The following GRIP1 variants were observed in gnomAD, a reference collection of about 807,000 sequenced individuals.
The protein encoded by GRIP1 is glutamate receptor interacting protein 1, also known as glutamate receptor-interacting protein 1.
GRIP1 carries 45 observed loss-of-function variants against 129.9 expected under a neutral mutation model. The ratio of observed to expected loss-of-function variants is 0.35; its 90% CI spans 0.27 to 0.44. The LOEUF (loss-of-function observed/expected upper bound fraction) is 0.44. GRIP1 is among the 20% of genes least tolerant of loss of function. The pLI, the probability that GRIP1 is intolerant of heterozygous loss-of-function variation, is 1.00. For synonymous variants in GRIP1, 530 were observed against 520.8 expected (o/e 1.02, Z -0.24); for missense variants, 1,196 against 1,396.8 (o/e 0.86, Z 2.29).
intron 1 of GRIP1, among the ~76,000 whole-genome samples, chr12:66,855,903 T>C (rs558899924): frequency 1.4e-4 from 21 of 152,094 alleles, no homozygotes; most frequent in Admixed American, 5.9e-4. Context: ...CTCTCTGACA[T>C]ATAAAAGTTT....
chr12:66,672,357 G>C (rs1035931564), intron 1 of GRIP1, among the ~76,000 whole-genome samples: 1 of 152,068 alleles, frequency 6.6e-6, no homozygotes. Flanking sequence ...CTGAATTTAG[G>C]TGGTCATCAT....
At chr12:67,006,282 A>C (rs992577243) in intron 1 of GRIP1, among the ~76,000 whole-genome samples, 5 of 152,298 alleles carry the variant, frequency 3.3e-5, no homozygotes, top group African/African-American at 1.2e-4. Context: ...CAAAAAAGCC[A>C]GGCGAGGCAT....
At position 66,848,534 on chromosome 12, in the gene GRIP1, G is replaced by A. The variant is rs991900542; in HGVS notation, c.58+220516C>T. Among the ~76,000 whole-genome samples, 4 of 152,082 alleles carry A rather than the reference G, an allele frequency of 2.6e-5. No homozygotes were observed. The South Asian group carries it at 8.3e-4, about 31-fold the overall frequency. On this transcript the variant is annotated intron_variant, in intron 1 of 1. Transcript: ENST00000643019. ...GGGTACTCTGAAAATACATAGGAGG[G>A]TAAAATAACCTGAATTCATGGGTCA...
At chr12:66,622,519 AC>A (rs1232747150) in intron 1 of GRIP1, among the ~76,000 whole-genome samples, 1 of 152,166 alleles carries the variant, frequency 6.6e-6, no homozygotes, top group Non-Finnish European at 1.5e-5. Context: ...CTGTATTAAA[AC>A]ATCTCATATA....
chr12:66,888,483 C>T (rs141473501), intron 1 of GRIP1, among the ~76,000 whole-genome samples: 2,540 of 152,316 alleles, frequency 0.017, 69 homozygotes, highest in African/African-American at 0.058. Context: ...CCTCAGGCTC[C>T]CAAGTAGCTG....
chr12:66,731,551 TA>T (rs1565993054), intron 1 of GRIP1, among the ~76,000 whole-genome samples: 1 of 152,154 alleles, frequency 6.6e-6, no homozygotes, highest in Non-Finnish European at 1.5e-5. Flanking sequence ...AAACTATAAA[TA>T]AACATGGTGG....
At chr12:66,442,577 G>A (rs1489760177) in intron 13 of GRIP1, among the ~76,000 whole-genome samples, 4 of 152,074 alleles carry the variant, frequency 2.6e-5, no homozygotes, top group Non-Finnish European at 5.9e-5. Flanking sequence ...TGTCACCCAG[G>A]CTGGGGTTCA....
intron 15 of GRIP1, among the ~76,000 whole-genome samples, chr12:66,414,897 A>T (rs770512509): frequency 4.1e-5 from 6 of 146,786 alleles, no homozygotes; most frequent in Non-Finnish European, 7.4e-5. Context: ...AATCGTATGC[A>T]GAAAATTAAA....
chr12:66,678,240 A>T lies in GRIP1; in HGVS notation c.55+610T>A, dbSNP rs1266194770. 3.3e-5 allele frequency among the ~76,000 whole-genome samples: 5 copies of T among 152,278 alleles called. No homozygotes were observed. The South Asian group carries it at 8.3e-4, about 25-fold the overall frequency. The stretch of plus-strand genomic sequence containing the variant: ...CTAAGAGTGACAATCTGAAGCTGGT[A>T]ATTCTTGATGATAAGATTCCGAGCA... On this transcript the variant is annotated intron_variant, in intron 1 of 24. Coordinates refer to ENST00000359742, the MANE Select transcript of GRIP1 (RefSeq NM_001366722.1).
intron 1 of GRIP1, among the ~76,000 whole-genome samples, chr12:66,939,023 A>G (rs2041539164): frequency 6.6e-6 from 1 of 151,864 alleles, no homozygotes; most frequent in South Asian, 2.1e-4. Flanking sequence ...TGGAGGAAAA[A>G]GGGGGTATAG....
chr12:66,674,846 G>A (rs1531647), intron 1 of GRIP1, among the ~76,000 whole-genome samples: 62,780 of 151,616 alleles, frequency 0.41, 13,170 homozygotes, highest in Non-Finnish European at 0.46. Context: ...AGCAGAAAAG[G>A]AGAAAAGATA....
intron 11 of GRIP1, among the ~76,000 whole-genome samples, chr12:66,451,126 T>C (rs1440156055): frequency 1.3e-5 from 2 of 152,182 alleles, no homozygotes; most frequent in Non-Finnish European, 2.9e-5. Flanking sequence ...GATTCGTTCC[T>C]GCTCTGTCCT....
chr12:66,584,331 G>A (rs1446018425), intron 2 of GRIP1, among the ~76,000 whole-genome samples: 6 of 151,532 alleles, frequency 4.0e-5, no homozygotes, highest in East Asian at 3.9e-4. Flanking sequence ...TGGGTGCAGC[G>A]CACCAGCATG....
At chr12:66,784,216 GGAT>G (rs1184457789) in intron 1 of GRIP1, among the ~76,000 whole-genome samples, 6 of 151,998 alleles carry the variant, frequency 3.9e-5, no homozygotes, top group African/African-American at 1.5e-4. Flanking sequence ...TATACCCCAA[GGAT>G]GATAAATACG....
At chr12:66,590,507 A>C (rs1475788041) in intron 2 of GRIP1, among the ~76,000 whole-genome samples, 3 of 152,172 alleles carry the variant, frequency 2.0e-5, no homozygotes, top group African/African-American at 7.2e-5. Flanking sequence ...GAGATAATTA[A>C]TGCGTACCTG....
intron 1 of GRIP1, among the ~76,000 whole-genome samples, chr12:67,068,507 C>G (rs2043670516): frequency 6.6e-6 from 1 of 151,586 alleles, no homozygotes; most frequent in African/African-American, 2.4e-5. Flanking sequence ...CGGCAGCGCC[C>G]CCTTGCCTCC....
At chr12:66,602,461 A>G (rs1462072676) in intron 1 of GRIP1, among the ~76,000 whole-genome samples, 1 of 152,186 alleles carries the variant, frequency 6.6e-6, no homozygotes, top group East Asian at 1.9e-4. Context: ...TTCTAGGGCC[A>G]AGCAAAAAGT....
rs7970076 is a variant in GRIP1 at position 66,392,293 on chromosome 12, A to G, written c.2464+15T>C. ...AACAATGACAAGTCCTCTGGGGGAC[A>G]AAGTAAAGACATACCTTGAGTTCCA... On this transcript the variant is annotated intron_variant, in intron 19 of 24. Coordinates refer to ENST00000359742, the MANE Select transcript of GRIP1 (RefSeq NM_001366722.1). The G allele has an allele frequency of 1, 1,484,403 of 1,490,130 alleles. 739,517 individuals carry two copies. The highest frequency in any genetic ancestry group is 1 in the East Asian group (44,356 of 44,360). 92.3% of individuals were successfully genotyped at this position (1,490,130 alleles called of 1,614,324 possible). A position where few individuals can be genotyped will look rare whatever the true frequency, so the allele number is the denominator to read the frequency against.
chr12:66,541,680 G>T, intron 3 of GRIP1, 135 bp downstream of exon 3: 1 of 916,316 alleles, frequency 1.1e-6, no homozygotes, highest in Non-Finnish European at 1.8e-6. Flanking sequence ...GCCCCACTGT[G>T]CTTCTGCTGG....
Sources: allele counts gnomAD v4.1 joint callset (sites outside exome capture counted in the v4.1 genomes callset), GRCh38; gene constraint gnomAD v4.1.1; transcripts MANE v1.5; gene names NCBI Gene and HGNC (gene_info 2026-07-23, HGNC 2026-07-21).